Variants in IL13RA1 observed in about 807,000 individuals in gnomAD.
The protein encoded by IL13RA1 is interleukin-13 receptor subunit alpha-1.
A neutral mutation model predicts 33.8 loss-of-function variants in IL13RA1; 14 were observed. The ratio of observed to expected loss-of-function variants is 0.41; its 90% CI spans 0.27 to 0.65. The LOEUF (loss-of-function observed/expected upper bound fraction) is 0.65. Among genes scored for constraint, IL13RA1 ranks in the 30% least tolerant of loss-of-function variants. The pLI is 0.28. For missense variants in IL13RA1, 313 were observed against 327.0 expected (o/e 0.96, Z 0.33); for synonymous variants, 116 against 115.7 (o/e 1.00, Z -0.02).
At chrX:118,784,071 T>C (rs1487140898) in intron 10 of IL13RA1, among the ~76,000 whole-genome samples, 4 of 67,480 alleles carry the variant, frequency 5.9e-5, no homozygotes, top group Non-Finnish European at 1.0e-4. Context: ...AATGAGACTC[T>C]GTCGCCAAAA....
At chrX:118,789,409 G>C (rs1040775209) in intron 10 of IL13RA1, among the ~76,000 whole-genome samples, 6 of 111,913 alleles carry the variant, frequency 5.4e-5, no homozygotes, top group Non-Finnish European at 1.1e-4. Context: ...CCATACTTTT[G>C]CCAATATGAT....
At chrX:118,753,772 G>A (rs948092698) in intron 4 of IL13RA1, among the ~76,000 whole-genome samples, 1 of 112,097 alleles carries the variant, frequency 8.9e-6, no homozygotes, top group African/African-American at 3.2e-5. Context: ...AGCCCGTCTC[G>A]GCCTCCCAAA....
At chrX:118,779,583 ACTCT>A (rs1297515404) in intron 10 of IL13RA1, among the ~76,000 whole-genome samples, 3 of 111,235 alleles carry the variant, frequency 2.7e-5, no homozygotes, top group Admixed American at 9.7e-5. Flanking sequence ...AACTGATATT[ACTCT>A]CTCTCTACCT....
intron 4 of IL13RA1, among the ~76,000 whole-genome samples, chrX:118,753,380 A>G (rs1447435721): frequency 8.9e-6 from 1 of 112,820 alleles, no homozygotes; most frequent in Non-Finnish European, 1.9e-5. Context: ...CTCTCACCAA[A>G]GCTGAGAGCA....
chrX:118,757,934 G>A (rs369823916), intron 4 of IL13RA1, 121 bp from the exon 5 acceptor site: 4 of 408,905 alleles, frequency 9.8e-6, no homozygotes, highest in Admixed American at 7.0e-5. Context: ...CAAGTGATCC[G>A]CCTGCCTCAG....
At chrX:118,762,556 G>A (rs144041474) in intron 6 of IL13RA1, among the ~76,000 whole-genome samples, 1,892 of 111,898 alleles carry the variant, frequency 0.017, 22 homozygotes, top group South Asian at 0.066. Context: ...CAACTCCAGA[G>A]GGAGTGACCA....
chrX:118,753,309 A>C (rs1406433492), intron 4 of IL13RA1, among the ~76,000 whole-genome samples: 1 of 112,554 alleles, frequency 8.9e-6, no homozygotes, highest in Non-Finnish European at 1.9e-5. Context: ...TGAATGAATT[A>C]CAAAAAAACC....
rs968612039 is a variant in IL13RA1 at position 118,733,928 on chromosome X, G to A, written c.88+6202G>A. Among the ~76,000 whole-genome samples, 4 of 111,883 alleles carry A rather than the reference G, an allele frequency of 3.6e-5. No homozygotes were observed. The East Asian group carries it at 1.1e-3, about 31-fold the overall frequency. On this transcript the variant is annotated intron_variant, in intron 1 of 10. Coordinates refer to ENST00000371666, the MANE Select transcript of IL13RA1 (RefSeq NM_001560.3). ...TTGTCAAAATCATTTGACCATACAT[G>A]TGATGGTTTATTTCTGGACTGTCTA...
intron 4 of IL13RA1, among the ~76,000 whole-genome samples, chrX:118,751,934 T>G (rs1431062921): frequency 3.7e-5 from 4 of 109,344 alleles, no homozygotes; most frequent in Non-Finnish European, 5.7e-5. Context: ...CACACATTTT[T>G]GGATGAAAAC....
chrX:118,776,333 C>T (rs2017780177), intron 9 of IL13RA1, 94 bp from the exon 10 acceptor site: 2 of 447,976 alleles, frequency 4.5e-6, no homozygotes, highest in Non-Finnish European at 4.0e-6. Flanking sequence ...TGTACCATGT[C>T]TTTTGTCCAT....
chrX:118,753,581 A>G (rs2017493845), intron 4 of IL13RA1, among the ~76,000 whole-genome samples: 1 of 113,044 alleles, frequency 8.8e-6, no homozygotes, highest in Non-Finnish European at 1.9e-5. Flanking sequence ...GCTGAAGTAC[A>G]GTTGGTGTGA....
At chrX:118,803,223 A>G in the IL13RA1 span, among the ~76,000 whole-genome samples, 3 of 112,035 alleles carry the variant, frequency 2.7e-5, no homozygotes, top group Non-Finnish European at 5.6e-5. Flanking sequence ...GCCTCCCCAA[A>G]CCATGCTACC....
intron 1 of IL13RA1, among the ~76,000 whole-genome samples, chrX:118,731,176 A>G (rs1241797744): frequency 8.9e-6 from 1 of 111,756 alleles, no homozygotes; most frequent in Non-Finnish European, 1.9e-5. Flanking sequence ...CAGTGGTGCA[A>G]TCCCCAAGAC....
At chrX:118,753,583 T>C (rs898939703) in intron 4 of IL13RA1, among the ~76,000 whole-genome samples, 10 of 113,028 alleles carry the variant, frequency 8.8e-5, no homozygotes, top group Non-Finnish European at 1.9e-4. Flanking sequence ...TGAAGTACAG[T>C]TGGTGTGATC....
rs759200161 is a variant in IL13RA1 at position 118,770,581 on chromosome X, C to G, written c.1010-3298C>G. Reference sequence around the variant, plus strand: ...GCTGCCCACGTTCCGCAAGCTGTTCCGCAAGCTGTACGGGCACATCCGCCA... The same window carrying G: ...GCTGCCCACGTTCCGCAAGCTGTTCGGCAAGCTGTACGGGCACATCCGCCA... On this transcript the variant is annotated intron_variant, in intron 8 of 10. Coordinates refer to ENST00000371666, the MANE Select transcript of IL13RA1 (RefSeq NM_001560.3). 7 of 489,734 alleles carry G rather than the reference C, an allele frequency of 1.4e-5. No homozygotes were observed. In the South Asian group the frequency reaches 1.6e-4, roughly 11 times the overall value. 40.4% of individuals were successfully genotyped at this position (489,734 alleles called of 1,213,427 possible).
At chrX:118,776,995 GTGTA>G (rs1320824747) in intron 10 of IL13RA1, among the ~76,000 whole-genome samples, 1 of 7,327 alleles carries the variant, frequency 1.4e-4, no homozygotes, top group Non-Finnish European at 2.2e-4. Flanking sequence ...ATATGTGTGT[GTGTA>G]TATATATATA....
chrX:118,771,111 G>A (rs1475640196), intron 8 of IL13RA1, among the ~76,000 whole-genome samples: 2 of 111,915 alleles, frequency 1.8e-5, no homozygotes, highest in African/African-American at 6.5e-5. Context: ...ATGATGCTGA[G>A]ATGCCATGTT....
intron 10 of IL13RA1, among the ~76,000 whole-genome samples, chrX:118,784,173 ATATT>A (rs1336409252): frequency 2.0e-5 from 2 of 99,779 alleles, no homozygotes; most frequent in Non-Finnish European, 4.0e-5. Flanking sequence ...ATACGTATAT[ATATT>A]CTTTTAAAAG....
chrX:118,804,770 T>A, the IL13RA1 span, among the ~76,000 whole-genome samples: 64 of 112,296 alleles, frequency 5.7e-4, no homozygotes, highest in Admixed American at 4.7e-3. Flanking sequence ...AGTTGCTGGC[T>A]TGAATACCAC....
Sources: allele counts gnomAD v4.1 joint callset (sites outside exome capture counted in the v4.1 genomes callset), GRCh38; gene constraint gnomAD v4.1.1; transcripts MANE v1.5; gene names NCBI Gene and HGNC (gene_info 2026-07-23, HGNC 2026-07-21).